The following BFAR variants were observed in gnomAD, a reference collection of about 807,000 sequenced individuals.
The protein encoded by BFAR is RING finger protein 47.
In BFAR, 52 loss-of-function variants were observed where a neutral mutation model predicts 54.4. That is an observed-to-expected ratio of 0.96 (90% confidence interval 0.77 to 1.21). The LOEUF (loss-of-function observed/expected upper bound fraction) is 1.21, where lower values mean the gene tolerates loss of function less well. BFAR is among the 50% of genes most tolerant of loss of function. The pLI is 0.00. For missense variants in BFAR, 571 were observed against 534.0 expected, an observed-to-expected ratio of 1.07 and a Z score of -0.68; for synonymous variants, 215 against 204.3, an observed-to-expected ratio of 1.05 and a Z score of -0.45.
chr16:14,655,309 T>C, intron 5 of BFAR, 99 bp downstream of exon 5: 3 of 967,400 alleles, frequency 3.1e-6, no homozygotes, highest in Non-Finnish European at 4.1e-6. Context: ...TTTGACAGTT[T>C]ATGTACTTAT....
At position 14,659,713 on chromosome 16, in the gene BFAR, G is replaced by T. The variant is rs894773453; in HGVS notation, c.784-2179G>T. The stretch of plus-strand genomic sequence containing the variant: ...CTACAGGCACCCGCCACCATGCCCG[G>T]CTAATTTTTTGTATTTTTAGTAGAG... On this transcript the variant is annotated intron_variant, in intron 5 of 7. Coordinates refer to ENST00000261658, the MANE Select transcript of BFAR (RefSeq NM_016561.3). 3.1e-4 allele frequency among the ~76,000 whole-genome samples: 47 copies of T among 150,874 alleles called. 1 individual carries two copies. The highest frequency in any genetic ancestry group is 1.1e-3 in the African/African-American group (45 of 41,036).
intron 1 of BFAR, among the ~76,000 whole-genome samples, chr16:14,641,479 A>G (rs1006931633): frequency 1.3e-5 from 2 of 151,384 alleles, no homozygotes; most frequent in African/African-American, 4.9e-5. Flanking sequence ...TGAACCCAGG[A>G]GGCGGAGCTT....
chr16:14,635,413 T>C (rs969399282), intron 1 of BFAR, among the ~76,000 whole-genome samples: 2 of 151,920 alleles, frequency 1.3e-5, no homozygotes, highest in Admixed American at 1.3e-4. Flanking sequence ...TAGTTTTTTA[T>C]AGCTATCTGA....
intron 1 of BFAR, among the ~76,000 whole-genome samples, chr16:14,637,828 C>G (rs1202604287): frequency 6.8e-6 from 1 of 146,782 alleles, no homozygotes; most frequent in East Asian, 2.0e-4. Context: ...GACTCCATCT[C>G]AGAAAAAAAA....
chr16:14,651,792 T>C (rs1298152935), intron 4 of BFAR, among the ~76,000 whole-genome samples: 1 of 151,744 alleles, frequency 6.6e-6, no homozygotes, highest in South Asian at 2.1e-4. Flanking sequence ...TGGAAGATTC[T>C]TAAGACCCAC....
intron 1 of BFAR, among the ~76,000 whole-genome samples, chr16:14,636,690 G>A (rs921386057): frequency 2.6e-5 from 4 of 152,210 alleles, no homozygotes; most frequent in Non-Finnish European, 4.4e-5. Context: ...GACCCTTTAC[G>A]GGTGTCGGGC....
intron 5 of BFAR, among the ~76,000 whole-genome samples, chr16:14,657,033 G>T (rs926784662): frequency 6.6e-6 from 1 of 151,878 alleles, no homozygotes; most frequent in Admixed American, 6.6e-5. Flanking sequence ...AACTAAGGAG[G>T]TGGAGGTTGC....
In BFAR at chr16:14,665,713, CA is replaced by C. The variant is rs140087116; in HGVS notation, c.1160+644del. ...TTTACGTGATGTACGTGCTCTTACA[CA>C]AGAAACATTAGATAAAACCAGAGAT... is the stretch of plus-strand genomic sequence containing the variant. On this transcript the variant is annotated intron_variant, in intron 7 of 7. Coordinates refer to ENST00000261658, the MANE Select transcript of BFAR (RefSeq NM_016561.3). Among the ~76,000 whole-genome samples, 1,408 of 152,254 alleles carry C rather than the reference CA, an allele frequency of 9.2e-3. 24 individuals carry two copies. The highest frequency in any genetic ancestry group is 0.032 in the African/African-American group (1,319 of 41,530).
intron 2 of BFAR, among the ~76,000 whole-genome samples, chr16:14,647,568 C>T (rs926233834): frequency 6.6e-6 from 1 of 151,924 alleles, no homozygotes; most frequent in African/African-American, 2.4e-5. Flanking sequence ...ATAATCCCAG[C>T]TACTCAGGAG....
At chr16:14,633,167 G>T (rs1319375455) in intron 1 of BFAR, 149 bp downstream of exon 1, 2 of 152,372 alleles carry the variant, frequency 1.3e-5, no homozygotes, top group African/African-American at 4.8e-5. Flanking sequence ...ACGCAGGCCC[G>T]AGTCCTGAGC....
intron 4 of BFAR, among the ~76,000 whole-genome samples, chr16:14,652,810 C>T (rs923454733): frequency 2.0e-5 from 3 of 151,714 alleles, no homozygotes; most frequent in Non-Finnish European, 2.9e-5. Context: ...CATCTATATC[C>T]ACCCCCTAAG....
chr16:14,653,319 T>TG (rs1491507688), intron 4 of BFAR, among the ~76,000 whole-genome samples: 3 of 151,904 alleles, frequency 2.0e-5, no homozygotes, highest in African/African-American at 7.3e-5. Context: ...CTTGTGTGTG[T>TG]TTTTTTTAAT....
chr16:14,646,962 C>T (rs1027214816), intron 2 of BFAR, among the ~76,000 whole-genome samples: 1 of 151,434 alleles, frequency 6.6e-6, no homozygotes, highest in Non-Finnish European at 1.5e-5. Flanking sequence ...TTTTTAGTAG[C>T]GATCAGGTCT....
chr16:14,641,403 A>T (rs904801262), intron 1 of BFAR, among the ~76,000 whole-genome samples: 7 of 152,158 alleles, frequency 4.6e-5, no homozygotes, highest in African/African-American at 1.7e-4. Flanking sequence ...GGCCTTCTCA[A>T]AGAGGCCTTT....
intron 5 of BFAR, among the ~76,000 whole-genome samples, chr16:14,659,477 C>T (rs532124645): frequency 6.6e-6 from 1 of 151,760 alleles, no homozygotes; most frequent in Non-Finnish European, 1.5e-5. Flanking sequence ...CTCCTGACCT[C>T]AGGCAATCTG....
intron 4 of BFAR, chr16:14,650,386 A>G (rs1290147131): frequency 2.6e-5 from 4 of 154,888 alleles, no homozygotes; most frequent in African/African-American, 9.6e-5. Context: ...GAAGTGCACA[A>G]TCCATGGTTT....
chr16:14,656,978 C>G (rs1187499387), intron 5 of BFAR, among the ~76,000 whole-genome samples: 1 of 151,846 alleles, frequency 6.6e-6, no homozygotes, highest in Non-Finnish European at 1.5e-5. Flanking sequence ...TGGTGCATGC[C>G]TATAATCCCA....
chr16:14,645,430 AG>A (rs1959764067), intron 2 of BFAR, among the ~76,000 whole-genome samples: 1 of 152,260 alleles, frequency 6.6e-6, no homozygotes, highest in African/African-American at 2.4e-5. Flanking sequence ...TCACATTAAT[AG>A]AGTTTCTCAT....
intron 5 of BFAR, among the ~76,000 whole-genome samples, chr16:14,657,463 T>C (rs1009429109): frequency 1.3e-5 from 2 of 152,034 alleles, no homozygotes; most frequent in Admixed American, 1.3e-4. Flanking sequence ...TTAACCAGGG[T>C]AGTCTGGATC....
Sources: gnomAD v4.1 joint callset for allele counts (sites outside exome capture counted in the v4.1 genomes callset) on GRCh38, gnomAD v4.1.1 for gene constraint, MANE v1.5 for transcripts, NCBI Gene and HGNC (gene_info 2026-07-23, HGNC 2026-07-21) for gene names.